SLC36A1: variants seen among roughly 807,000 people sequenced by gnomAD.
SLC36A1 encodes the protein proton-coupled amino acid transporter 1.
Under a neutral mutation model 47.5 loss-of-function variants are expected in SLC36A1, and 30 were observed. That is an observed-to-expected ratio of 0.63 (90% CI 0.47 to 0.86). The LOEUF (loss-of-function observed/expected upper bound fraction) is 0.86, where lower values mean the gene tolerates loss of function less well. Ranked by LOEUF, SLC36A1 falls within the 40% of genes least tolerant of loss-of-function variation. The pLI is 0.00. For missense variants in SLC36A1, 517 were observed against 606.0 expected (o/e 0.85, Z 1.54); for synonymous variants, 255 against 249.7 (o/e 1.02, Z -0.20).
chr5:151,512,607 C>A, the SLC36A1 span: 1 of 1,593,762 alleles, frequency 6.3e-7, no homozygotes, highest in Non-Finnish European at 8.6e-7. This position sits in a 1 kb window ranked among gnomAD's most constrained non-coding sequence, Gnocchi z 4.1. Context: ...CACTGGCCAG[C>A]TGCAAAGGAA....
the SLC36A1 span, among the ~76,000 whole-genome samples, chr5:151,421,560 C>CTTT: frequency 6.9e-6 from 1 of 145,408 alleles, no homozygotes; most frequent in Non-Finnish European, 1.5e-5. Flanking sequence ...AGAGTTTTTT[C>CTTT]TTTTTCTTTT....
At chr5:151,530,387 C>G in the SLC36A1 span, among the ~76,000 whole-genome samples, 1 of 152,090 alleles carries the variant, frequency 6.6e-6, no homozygotes, top group Non-Finnish European at 1.5e-5. Context: ...AAATGTCATT[C>G]CTAGGAAATA....
the SLC36A1 span, chr5:151,542,823 C>T: frequency 8.1e-6 from 13 of 1,614,196 alleles, no homozygotes; most frequent in African/African-American, 1.3e-5. Flanking sequence ...GGCAATGTGC[C>T]ATCACATCAA....
chr5:151,387,639 T>A, the SLC36A1 span, among the ~76,000 whole-genome samples: 1 of 152,184 alleles, frequency 6.6e-6, no homozygotes, highest in South Asian at 2.1e-4. Flanking sequence ...TTTCACTCTA[T>A]TCCCAGGGCT....
At chr5:151,345,486 T>A in the SLC36A1 span, among the ~76,000 whole-genome samples, 1 of 152,202 alleles carries the variant, frequency 6.6e-6, no homozygotes, top group Non-Finnish European at 1.5e-5. Context: ...ATATTGAAGC[T>A]GTAAACCCTC....
chr5:151,544,210 T>A, the SLC36A1 span: 2 of 1,614,180 alleles, frequency 1.2e-6, no homozygotes, highest in Admixed American at 3.3e-5. Flanking sequence ...ATAAGAGACG[T>A]CACGGTTCCG....
chr5:151,403,872 G>T, the SLC36A1 span, among the ~76,000 whole-genome samples: 2 of 152,200 alleles, frequency 1.3e-5, no homozygotes, highest in Non-Finnish European at 2.9e-5. Flanking sequence ...TGTGCCATGT[G>T]CAGATGAGAA....
the SLC36A1 span, chr5:151,550,907 G>T: frequency 2.5e-6 from 4 of 1,599,008 alleles, no homozygotes; most frequent in South Asian, 1.1e-5. Context: ...TGCACTGCAA[G>T]CCCCAGGGGA....
At chr5:151,555,655 C>T in the SLC36A1 span, among the ~76,000 whole-genome samples, 4 of 152,116 alleles carry the variant, frequency 2.6e-5, no homozygotes, top group African/African-American at 9.7e-5. Flanking sequence ...CAGGCATGAG[C>T]CACCGTGCCT....
At chr5:151,396,620 A>C in the SLC36A1 span, among the ~76,000 whole-genome samples, 2 of 151,968 alleles carry the variant, frequency 1.3e-5, no homozygotes, top group Non-Finnish European at 2.9e-5. Flanking sequence ...AAGAAAATAA[A>C]AATTTTCTTT....
chr5:151,488,214 A>G lies in SLC36A1; in HGVS notation c.1391A>G (p.Asn464Ser), dbSNP rs1035953861. The change falls in exon 11 of 11, where the codon AAT (asparagine) becomes AGT (serine). Residue 464 changes from asparagine (N) to serine (S), a missense_variant. Coordinates refer to ENST00000243389, the MANE Select transcript of SLC36A1 (RefSeq NM_078483.4). ...EALYELIQPS[N>S]APIFINSTCA... ...CTCTATGAGCTGATCCAGCCAAGCA[A>G]TGCTCCCATCTTCATCAATTCCACC... is the stretch of plus-strand genomic sequence containing the variant. The G allele has an allele frequency of 2.5e-6, 4 of 1,614,114 alleles. No homozygotes were observed. Among genetic ancestry groups the G allele is most frequent in the Non-Finnish European group, 3.4e-6 (4 of 1,180,010 alleles).
chr5:151,550,777 C>T, the SLC36A1 span: 31 of 1,613,924 alleles, frequency 1.9e-5, no homozygotes, highest in Non-Finnish European at 2.5e-5. Flanking sequence ...GAGCTCTACC[C>T]CTGGCACGGT....
At chr5:151,451,312 C>G (rs1333863016) in intron 1 of SLC36A1, among the ~76,000 whole-genome samples, 2 of 152,188 alleles carry the variant, frequency 1.3e-5, no homozygotes, top group Non-Finnish European at 2.9e-5. Flanking sequence ...CTTGGCCTCC[C>G]AAAGTGCCGG....
the SLC36A1 span, chr5:151,534,559 G>A: frequency 1.9e-6 from 3 of 1,614,022 alleles, no homozygotes; most frequent in Non-Finnish European, 2.5e-6. Context: ...TGGCACGATC[G>A]GCCACCTCCA....
chr5:151,391,829 T>A, the SLC36A1 span, among the ~76,000 whole-genome samples: 1 of 152,216 alleles, frequency 6.6e-6, no homozygotes, highest in Non-Finnish European at 1.5e-5. Context: ...GATTTTTGCA[T>A]CAATGTTCAT....
At chr5:151,545,705 C>T in the SLC36A1 span, 18 of 1,614,130 alleles carry the variant, frequency 1.1e-5, no homozygotes, top group Admixed American at 1.7e-5. Flanking sequence ...TTCAAGGCCT[C>T]CGGCTCCAAA....
the SLC36A1 span, among the ~76,000 whole-genome samples, chr5:151,395,642 C>T: frequency 6.6e-6 from 1 of 152,062 alleles, no homozygotes; most frequent in South Asian, 2.1e-4. Context: ...ATCAGTGTTT[C>T]CATGAAGCTA....
the SLC36A1 span, chr5:151,531,964 T>C: frequency 2.4e-5 from 38 of 1,614,070 alleles, no homozygotes; most frequent in Non-Finnish European, 3.1e-5. The surrounding 1 kb of genome is among the most constrained non-coding windows in gnomAD (Gnocchi z 5.7). Flanking sequence ...CACCTGGGCA[T>C]TGGCGCCTGG....
intron 5 of SLC36A1, 54 bp downstream of exon 5, chr5:151,465,223 G>A (rs1756172617): frequency 1.5e-6 from 2 of 1,360,940 alleles, no homozygotes; most frequent in African/African-American, 1.4e-5. Flanking sequence ...GAGGCCTTCA[G>A]ATGGGGAGGT....
Sources: gnomAD v4.1 joint callset for allele counts (sites outside exome capture counted in the v4.1 genomes callset) on GRCh38, gnomAD v4.1.1 for gene constraint, Gnocchi (gnomAD v3.1) non-coding constraint, MANE v1.5 for transcripts, NCBI Gene and HGNC (gene_info 2026-07-23, HGNC 2026-07-21) for gene names.